The following OTUD7A variants were observed in gnomAD, a reference collection of about 807,000 sequenced individuals.
The protein encoded by OTUD7A is OTU domain-containing protein 7A.
A neutral mutation model predicts 65.7 loss-of-function variants in OTUD7A; 12 were observed. That is an observed-to-expected ratio of 0.18 (90% CI 0.12 to 0.30). The LOEUF is 0.30. Ranked by LOEUF, OTUD7A falls within the 10% of genes least tolerant of loss-of-function variation. The pLI, the probability that OTUD7A is intolerant of heterozygous loss-of-function variation, is 1.00. For missense variants in OTUD7A, 1,148 were observed against 1,304.8 expected, an observed-to-expected ratio of 0.88 and a Z score of 1.85; for synonymous variants, 641 against 586.3, an observed-to-expected ratio of 1.09 and a Z score of -1.35.
intron 1 of OTUD7A, among the ~76,000 whole-genome samples, chr15:31,681,292 T>C (rs1892708304): frequency 6.6e-6 from 1 of 150,972 alleles, no homozygotes; most frequent in African/African-American, 2.5e-5. Flanking sequence ...TTTCTACCTG[T>C]CTCCATCCAT....
intron 12 of OTUD7A, among the ~76,000 whole-genome samples, chr15:31,486,448 T>G (rs1488339137): frequency 6.6e-6 from 1 of 152,260 alleles, no homozygotes; most frequent in Non-Finnish European, 1.5e-5. Flanking sequence ...TAATTCTTTG[T>G]GAGCCCCACT....
chr15:31,793,346 C>A (rs1895868816), intron 1 of OTUD7A, among the ~76,000 whole-genome samples: 2 of 152,176 alleles, frequency 1.3e-5, no homozygotes, highest in African/African-American at 4.8e-5. Context: ...AAGAGCATCA[C>A]ACAAGGCTTT....
chr15:31,494,910 G>T (rs1346847747), intron 10 of OTUD7A, among the ~76,000 whole-genome samples: 2 of 152,234 alleles, frequency 1.3e-5, no homozygotes, highest in African/African-American at 4.8e-5. Flanking sequence ...GGAGCATGGA[G>T]TCCTCAGGAG....
chr15:31,869,208 G>A (rs1897957894), intron 1 of OTUD7A, among the ~76,000 whole-genome samples: 1 of 152,170 alleles, frequency 6.6e-6, no homozygotes, highest in Admixed American at 6.5e-5. Flanking sequence ...AACTGAGTGT[G>A]CCGTGCAGAT....
chr15:31,589,677 C>T (rs762931519), intron 3 of OTUD7A, among the ~76,000 whole-genome samples: 14 of 151,964 alleles, frequency 9.2e-5, no homozygotes, highest in Non-Finnish European at 1.5e-4. Context: ...TACCTAAATG[C>T]CTGGCGGATG....
chr15:31,487,486 C>T lies in OTUD7A; in HGVS notation c.1252G>A (p.Gly418Arg), dbSNP rs367797929. Reference protein sequence around the residue: ...AVDPGKDWEWGKDDNDNARLA... With the variant: ...AVDPGKDWEWRKDDNDNARLA... Reference sequence around the variant, plus strand: ...CGGGCGTTATCGTTGTCGTCTTTCCCCCACTCCCAGTCCTTGCCAGGGTCC... The same window carrying T: ...CGGGCGTTATCGTTGTCGTCTTTCCTCCACTCCCAGTCCTTGCCAGGGTCC... The change falls in exon 11 of 13, where the codon GGG (glycine) becomes AGG (arginine). Residue 418 changes from glycine (G) to arginine (R), a missense_variant. By Grantham distance (125) the Gly-to-Arg change is moderately radical. Coordinates refer to ENST00000307050, the MANE Select transcript of OTUD7A (RefSeq NM_001382637.1). This position sits in a 1 kb window ranked among gnomAD's most constrained non-coding sequence, Gnocchi z 6.0. 2.2e-5 allele frequency: 35 copies of T among 1,613,958 alleles called. No homozygotes were observed. In the African/African-American group the frequency reaches 4.7e-4, roughly 22 times the overall value.
chr15:31,483,941 C>T lies in OTUD7A; in HGVS notation c.2155G>A (p.Gly719Ser). The T allele has an allele frequency of 9.0e-7, 1 of 1,110,552 alleles. No individual in the cohort carries two copies. The allele number at this position is 1,110,552 out of a possible 1,614,324, so 68.8% of individuals were successfully genotyped here. A position where few individuals can be genotyped will look rare whatever the true frequency, so the allele number is the denominator to read the frequency against. ...TTGAGCACCAGCTGCGTGGGTGGGC[C>T]CGGAGAGGCGCGCTCCGGGACCGGC... ...GVPVPERASPGPPTQLVLKLK... is the reference protein window; with the variant it reads ...GVPVPERASPSPPTQLVLKLK... The change falls in exon 13 of 13, where the codon GGC becomes AGC. Residue 719 changes from glycine (G) to serine (S), a missense_variant. By Grantham distance (56) the Gly-to-Ser change is moderately conservative. Around this residue, in one of 6 missense-constraint regions of OTUD7A, gnomAD observed 842 missense variants for 769.5 expected, o/e 1.09. Transcript: ENST00000307050.
At chr15:31,798,636 G>A (rs186896033) in intron 1 of OTUD7A, among the ~76,000 whole-genome samples, 31 of 152,300 alleles carry the variant, frequency 2.0e-4, no homozygotes, top group Middle Eastern at 3.4e-3. Context: ...AGGATAACCA[G>A]GAGTCAACTT....
intron 3 of OTUD7A, among the ~76,000 whole-genome samples, chr15:31,592,185 C>G (rs1361044002): frequency 6.6e-6 from 1 of 152,152 alleles, no homozygotes; most frequent in Non-Finnish European, 1.5e-5. Context: ...AAACACTGTA[C>G]AAGTAGGCTA....
chr15:31,570,104 C>A lies in OTUD7A; in HGVS notation c.245G>T (p.Arg82Leu), dbSNP rs377428324. 6.2e-7 allele frequency: 1 copy of A among 1,614,094 alleles called. No homozygotes were observed. The highest frequency in any genetic ancestry group is 8.5e-7 in the Non-Finnish European group (1 of 1,180,052). The change falls in exon 4 of 13, where the codon CGG (arginine) becomes CTG (leucine). Residue 82 changes from arginine to leucine, a missense_variant. Arg to Leu is a moderately radical substitution (Grantham distance 102). Transcript: ENST00000307050. The stretch of plus-strand genomic sequence containing the variant: ...CTCTCGCTCTGGCTGCTTGGGACCC[C>A]GCCCTTCATTGAACACATGTGGCAG... ...ANLPHVFNEG[R>L]GPKQPEREPQ...
chr15:31,499,041 C>G lies in OTUD7A; in HGVS notation c.1171+2649G>C, dbSNP rs553294942. ...GGCTTCCCTTAGAGGGAGAGGCACT[C>G]GATGAGAAGTTTAAAGAATGCTTCA... On this transcript the variant is annotated intron_variant, in intron 10 of 12. Coordinates refer to ENST00000307050, the MANE Select transcript of OTUD7A (RefSeq NM_001382637.1). Among the ~76,000 whole-genome samples, 25 of 152,196 alleles carry G rather than the reference C, an allele frequency of 1.6e-4. No individual in the cohort carries two copies. The South Asian group carries it at 2.1e-3, about 13-fold the overall frequency.
chr15:31,714,655 T>C (rs1203399429), intron 1 of OTUD7A, among the ~76,000 whole-genome samples: 1 of 152,212 alleles, frequency 6.6e-6, no homozygotes, highest in Non-Finnish European at 1.5e-5. Context: ...ATAAATAAGC[T>C]TGTGAAGGAC....
At chr15:31,753,721 T>TATATATTATATATATATATATTA (rs879561188) in intron 1 of OTUD7A, among the ~76,000 whole-genome samples, 8 of 106,778 alleles carry the variant, frequency 7.5e-5, no homozygotes, top group South Asian at 2.6e-4. Flanking sequence ...TATATATATA[T>TATATATTATATATATATATATTA]TATATATATA....
In OTUD7A at chr15:31,722,208, G is replaced by A. The variant is rs534070263; in HGVS notation, c.-99-65131C>T. On this transcript the variant is annotated intron_variant, in intron 1 of 12. Coordinates refer to ENST00000307050, the MANE Select transcript of OTUD7A (RefSeq NM_001382637.1). ...TCTCTGGCAGGGACTGGGAGAGGGT[G>A]TAGGATGAGCTCTGATTGGTATGGA... Among the ~76,000 whole-genome samples the A allele has an allele frequency of 1.4e-4, 22 of 152,302 alleles. 1 individual carries two copies. The East Asian group carries it at 4.2e-3, about 29-fold the overall frequency.
At chr15:31,532,909 G>C (rs146166182) in intron 5 of OTUD7A, among the ~76,000 whole-genome samples, 1 of 148,366 alleles carries the variant, frequency 6.7e-6, no homozygotes, top group Admixed American at 6.7e-5. Flanking sequence ...ACTTAGGCCT[G>C]GGTGAAAGAG....
At chr15:31,737,952 T>A (rs1473429682) in intron 1 of OTUD7A, among the ~76,000 whole-genome samples, 1 of 152,216 alleles carries the variant, frequency 6.6e-6, no homozygotes, top group African/African-American at 2.4e-5. Context: ...CATAAATGTA[T>A]AGGTGTAGCT....
chr15:31,561,282 G>C (rs552136226), intron 4 of OTUD7A, among the ~76,000 whole-genome samples: 2 of 152,356 alleles, frequency 1.3e-5, no homozygotes, highest in East Asian at 1.9e-4. Context: ...TTGAGTGCAG[G>C]AGCAGTGGAG....
chr15:31,867,376 G>T (rs1595825803), intron 1 of OTUD7A, among the ~76,000 whole-genome samples: 1 of 152,274 alleles, frequency 6.6e-6, no homozygotes, highest in East Asian at 1.9e-4. Context: ...GGCACCATCA[G>T]AAGGTCAGAG....
At chr15:31,513,975 C>T (rs1377891401) in intron 8 of OTUD7A, among the ~76,000 whole-genome samples, 1 of 151,876 alleles carries the variant, frequency 6.6e-6, no homozygotes, top group Non-Finnish European at 1.5e-5. Flanking sequence ...TTGATGTGGT[C>T]AGTGTGGCTT....
Sources: allele counts gnomAD v4.1 joint callset (sites outside exome capture counted in the v4.1 genomes callset), GRCh38; gene constraint gnomAD v4.1.1; regional missense constraint gnomAD v4.1.1; non-coding constraint Gnocchi (gnomAD v3.1); transcripts MANE v1.5; gene names NCBI Gene and HGNC (gene_info 2026-07-23, HGNC 2026-07-21).